The following PRR5L variants were observed in gnomAD, a reference collection of about 807,000 sequenced individuals.
PRR5L encodes proline rich 5 like.
A neutral mutation model predicts 36.4 loss-of-function variants in PRR5L; 21 were observed. The ratio of observed to expected loss-of-function variants is 0.58; its 90% CI spans 0.41 to 0.83. The LOEUF (loss-of-function observed/expected upper bound fraction) is 0.83. PRR5L is among the 40% of genes least tolerant of loss of function. The pLI is 0.00. For missense variants in PRR5L, 381 were observed against 473.3 expected (o/e 0.80, Z 1.81); for synonymous variants, 188 against 197.0 (o/e 0.95, Z 0.38).
chr11:36,401,384 G>T, intron 2 of PRR5L, 99 bp downstream of exon 2: 2 of 1,218,178 alleles, frequency 1.6e-6, no homozygotes, highest in South Asian at 1.4e-5. Flanking sequence ...ATTCTGGGAA[G>T]GCCGTGATTA....
At chr11:36,333,662 A>T (rs1474405063) in intron 1 of PRR5L, among the ~76,000 whole-genome samples, 9 of 152,202 alleles carry the variant, frequency 5.9e-5, no homozygotes, top group African/African-American at 2.2e-4. Context: ...ATAGAAAGCT[A>T]TAGAAAATGA....
chr11:36,384,201 G>T (rs1043739887), intron 1 of PRR5L, among the ~76,000 whole-genome samples: 2 of 151,948 alleles, frequency 1.3e-5, no homozygotes, highest in South Asian at 2.1e-4. Context: ...CAGTCTCCAG[G>T]CCCCATATTC....
At chr11:36,406,828 G>A (rs734902) in intron 3 of PRR5L, among the ~76,000 whole-genome samples, 34,821 of 152,088 alleles carry the variant, frequency 0.23, 5,653 homozygotes, top group African/African-American at 0.47. Context: ...ATGCAAGAGG[G>A]TTTGTGCTAA....
At chr11:36,326,246 A>G (rs1186041374) in intron 1 of PRR5L, among the ~76,000 whole-genome samples, 1 of 151,770 alleles carries the variant, frequency 6.6e-6, no homozygotes, top group Non-Finnish European at 1.5e-5. Context: ...TTTAAAGTAA[A>G]CTGCAAATGT....
chr11:36,403,420 C>A, intron 3 of PRR5L, 42 bp downstream of exon 3: 1 of 1,543,378 alleles, frequency 6.5e-7, no homozygotes, highest in Non-Finnish European at 8.9e-7. Flanking sequence ...CCCCTATAAA[C>A]CTGAGCAGGG....
rs770067719 is a variant in PRR5L at position 36,451,316 on chromosome 11, A to C, written c.693A>C (p.Ser231=). 5 of 1,614,066 alleles carry C rather than the reference A, an allele frequency of 3.1e-6. No homozygotes were observed. In the African/African-American group the frequency reaches 6.7e-5, roughly 22 times the overall value. The change falls in exon 8 of 9, where the codon TCA becomes TCC. Residue 231 remains serine, a synonymous_variant. Transcript: ENST00000530639. ...FLGISGDRSF[S]GPTYTLARRH... ...GCATCAGCGGGGACCGTAGCTTCTC[A>C]GGCCCCACGTACACGCTGGGTAAGG...
At chr11:36,417,635 C>T (rs1397634052) in intron 3 of PRR5L, among the ~76,000 whole-genome samples, 1 of 152,214 alleles carries the variant, frequency 6.6e-6, no homozygotes, top group Non-Finnish European at 1.5e-5. Flanking sequence ...TTTCTTTGTT[C>T]AACGTGTGTT....
chr11:36,393,663 C>G (rs545681322), intron 1 of PRR5L, among the ~76,000 whole-genome samples: 3 of 152,190 alleles, frequency 2.0e-5, no homozygotes, highest in Admixed American at 2.0e-4. Context: ...AATTCTGGGT[C>G]TTTCATGGTT....
chr11:36,408,100 C>T (rs1857947741), intron 3 of PRR5L, among the ~76,000 whole-genome samples: 1 of 152,064 alleles, frequency 6.6e-6, no homozygotes, highest in African/African-American at 2.4e-5. Flanking sequence ...ATGGCAAAAC[C>T]CTGACTCTAC....
At chr11:36,461,110 G>C (rs1158474141) in intron 8 of PRR5L, among the ~76,000 whole-genome samples, 2 of 152,186 alleles carry the variant, frequency 1.3e-5, no homozygotes, top group African/African-American at 2.4e-5. Context: ...AGCTAGAAGA[G>C]CAAGGGTCTG....
chr11:36,400,461 T>G (rs764117844), intron 1 of PRR5L, among the ~76,000 whole-genome samples: 12 of 152,162 alleles, frequency 7.9e-5, no homozygotes, highest in African/African-American at 2.9e-4. Context: ...ACTCAGTGAG[T>G]GTGTCCTGAT....
Position 36,451,239 on chromosome 11 carries a change from A to G in PRR5L, c.616A>G (p.Ser206Gly), listed in dbSNP as rs202215839. The G allele has an allele frequency of 6.2e-7, 1 of 1,614,092 alleles. No individual in the cohort carries two copies. The highest frequency in any genetic ancestry group is 1.3e-5 in the African/African-American group (1 of 75,002). Residue 206 changes from serine (S) to glycine (G), a missense_variant, in exon 8 of 9, where the codon AGT becomes GGT. By Grantham distance (56) the Ser-to-Gly change is moderately conservative. Coordinates refer to ENST00000530639, the MANE Select transcript of PRR5L (RefSeq NM_001160167.2). ...TCACGAGCCCACAGGCCCAAGTGAG[A>G]GTTATTTGCAACTGGAGGAGCTGGT... ...SVHEPTGPSE[S>G]YLQLEELVKQ...
chr11:36,309,830 C>T (rs1038218029), intron 1 of PRR5L, among the ~76,000 whole-genome samples: 1 of 152,004 alleles, frequency 6.6e-6, no homozygotes, highest in African/African-American at 2.4e-5. Context: ...CTCAACAAGT[C>T]CACCATAATG....
chr11:36,392,792 C>A (rs1857589432), intron 1 of PRR5L, among the ~76,000 whole-genome samples: 1 of 152,146 alleles, frequency 6.6e-6, no homozygotes. Context: ...CATGAGAACT[C>A]ACTCACTTTC....
At chr11:36,367,285 G>A (rs1342110450) in intron 1 of PRR5L, among the ~76,000 whole-genome samples, 2 of 152,208 alleles carry the variant, frequency 1.3e-5, no homozygotes, top group East Asian at 1.9e-4. Flanking sequence ...GATTATTTAT[G>A]TGGGGAAACA....
rs148564693 is a variant in PRR5L at position 36,311,454 on chromosome 11, G to A, written c.-126+15016G>A. ...AGGCCTCCCTGCTTGGCCCCCTCAT[G>A]GGTTGGTAGGCTATGCTGGGTTGAA... On this transcript the variant is annotated intron_variant, in intron 1 of 8. Transcript: ENST00000530639. 5.0e-3 allele frequency among the ~76,000 whole-genome samples: 763 copies of A among 152,256 alleles called. 9 individuals carry two copies. Among genetic ancestry groups the A allele is most frequent in the African/African-American group, 0.018 (746 of 41,548 alleles).
intron 1 of PRR5L, among the ~76,000 whole-genome samples, chr11:36,322,312 T>C (rs1372899851): frequency 6.6e-6 from 1 of 152,210 alleles, no homozygotes; most frequent in Admixed American, 6.5e-5. Context: ...ATTCAGGGTA[T>C]CTACTTTTTT....
chr11:36,413,812 T>G (rs1858080242), intron 3 of PRR5L, among the ~76,000 whole-genome samples: 4 of 150,426 alleles, frequency 2.7e-5, no homozygotes, highest in Non-Finnish European at 4.4e-5. Flanking sequence ...GCTGCACCCA[T>G]TAACTCGTCA....
intron 1 of PRR5L, among the ~76,000 whole-genome samples, chr11:36,395,401 A>G (rs1040828610): frequency 3.9e-5 from 6 of 152,232 alleles, no homozygotes; most frequent in Non-Finnish European, 7.3e-5. Context: ...ATTAACAATT[A>G]AATAAAATTA....
Sources: allele counts gnomAD v4.1 joint callset (sites outside exome capture counted in the v4.1 genomes callset), GRCh38; gene constraint gnomAD v4.1.1; transcripts MANE v1.5; gene names NCBI Gene and HGNC (gene_info 2026-07-23, HGNC 2026-07-21).